Variants in ITGA2B observed in about 807,000 individuals in gnomAD.
ITGA2B encodes integrin subunit alpha 2b, also known as integrin alpha-IIb.
ITGA2B carries 91 observed loss-of-function variants against 142.0 expected under a neutral mutation model. That is an observed-to-expected ratio of 0.64 (90% confidence interval 0.54 to 0.76). The LOEUF is 0.76. ITGA2B is among the 30% of genes least tolerant of loss of function. ITGA2B has a pLI of 0.00. For missense variants in ITGA2B, 1,231 were observed against 1,350.8 expected (o/e 0.91, Z 1.39); for synonymous variants, 536 against 567.2 (o/e 0.94, Z 0.78).
At chr17:44,378,615 G>T (rs373003641) in intron 19 of ITGA2B, 28 bp downstream of exon 19, 2 of 1,576,658 alleles carry the variant, frequency 1.3e-6, no homozygotes, top group East Asian at 2.3e-5. Context: ...AAAGGGCCAG[G>T]GTCGGGCAGA....
chr17:44,377,186 A>G, intron 21 of ITGA2B, 98 bp from the exon 22 acceptor site: 2 of 842,324 alleles, frequency 2.4e-6, no homozygotes, highest in South Asian at 1.5e-5. Context: ...CAAGATCACC[A>G]CTATTCTTTT....
At chr17:44,380,784 G>T in intron 13 of ITGA2B, 95 bp downstream of exon 13, 1 of 1,586,166 alleles carries the variant, frequency 6.3e-7, no homozygotes, top group Non-Finnish European at 8.7e-7. Flanking sequence ...GGGACACCAG[G>T]CCAGGCATGA....
In ITGA2B at chr17:44,375,685, G is replaced by A. The variant is rs1374319503; in HGVS notation, c.2633C>T (p.Ser878Phe). The A allele has an allele frequency of 3.7e-6, 6 of 1,602,084 alleles. No individual in the cohort carries two copies. The highest frequency in any genetic ancestry group is 5.1e-6 in the Non-Finnish European group (6 of 1,174,704). ...CTTGTGATGGGCCGGGTGAATGGGG[G>A]AGGGGCTGGGGATGGGCAGCCCCCA... ...VDWGLPIPSP[S>F]PIHPAHHKRD... The change falls in exon 26 of 30, where the codon TCC becomes TTC. Residue 878 changes from serine to phenylalanine, a missense_variant. Transcript: ENST00000262407.
At position 44,385,938 on chromosome 17, in the gene ITGA2B, G is replaced by A; in HGVS notation, c.311-17C>T. The A allele has an allele frequency of 3.1e-6, 5 of 1,613,996 alleles. No homozygotes were observed. In the Admixed American group the frequency reaches 8.3e-5, roughly 27 times the overall value. On this transcript the variant is annotated splice_polypyrimidine_tract_variant and intron_variant, in intron 2 of 29. Transcript: ENST00000262407. Reference sequence around the variant, plus strand: ...TCTCATCACCTGGAAGGCACAAGAAGGGGTGGGGCGCTGAAGCCCGGCAGT... The same window carrying A: ...TCTCATCACCTGGAAGGCACAAGAAAGGGTGGGGCGCTGAAGCCCGGCAGT...
At chr17:44,372,721 C>T (rs898706723) in intron 29 of ITGA2B, among the ~76,000 whole-genome samples, 7 of 151,960 alleles carry the variant, frequency 4.6e-5, no homozygotes, top group Admixed American at 2.0e-4. Context: ...CTCCACCTCC[C>T]GGGTTCAAAC....
chr17:44,379,066 C>A (rs1323242033), intron 18 of ITGA2B, among the ~76,000 whole-genome samples: 3 of 151,874 alleles, frequency 2.0e-5, no homozygotes, highest in Admixed American at 2.0e-4. Context: ...CCTGCCTCAG[C>A]CTCCCAAGTA....
intron 21 of ITGA2B, among the ~76,000 whole-genome samples, 195 bp from the exon 22 acceptor site, chr17:44,377,283 C>G (rs909149150): frequency 2.0e-5 from 3 of 151,906 alleles, no homozygotes; most frequent in African/African-American, 7.3e-5. Context: ...GCAACCTCCA[C>G]CTCCCAGGTT....
In ITGA2B at chr17:44,380,371, C is replaced by A. The variant is rs774439400; in HGVS notation, c.1544+15G>T. On this transcript the variant is annotated intron_variant, in intron 15 of 29. Transcript: ENST00000262407. ...GTCCCAGATCCTTTAAGGCCCATGC[C>A]CTCTGCCTCCTCACCAGCTCACGGG... 6.2e-7 allele frequency: 1 copy of A among 1,614,132 alleles called. No individual in the cohort carries two copies. Among genetic ancestry groups the A allele is most frequent in the Non-Finnish European group, 8.5e-7 (1 of 1,180,012 alleles).
intron 19 of ITGA2B, 59 bp downstream of exon 19, chr17:44,378,584 T>C: frequency 6.3e-7 from 1 of 1,596,990 alleles, no homozygotes; most frequent in Non-Finnish European, 8.5e-7. Flanking sequence ...GACTAAGGTG[T>C]GGAGCAGGTA....
At chr17:44,384,399 C>T (rs2048625150) in intron 8 of ITGA2B, 45 bp from the exon 9 acceptor site, 1 of 1,612,022 alleles carries the variant, frequency 6.2e-7, no homozygotes, top group Admixed American at 1.7e-5. Context: ...AGCCTTAGAA[C>T]CTACCCACTT....
intron 6 of ITGA2B, 30 bp from the exon 7 acceptor site, chr17:44,385,106 C>T (rs1268277896): frequency 6.2e-7 from 1 of 1,613,914 alleles, no homozygotes; most frequent in African/African-American, 1.3e-5. Flanking sequence ...GGGTGTGAAG[C>T]CCAAAGCGGT....
chr17:44,389,180 C>G (rs573487881), intron 1 of ITGA2B, 106 bp downstream of exon 1: 1 of 1,270,158 alleles, frequency 7.9e-7, no homozygotes, highest in East Asian at 2.3e-5. Flanking sequence ...CCCCACAAGT[C>G]ACCTTGCTCA....
chr17:44,376,426 C>T (rs1349559357), intron 22 of ITGA2B, 38 bp from the exon 23 acceptor site: 1 of 1,603,438 alleles, frequency 6.2e-7, no homozygotes, highest in African/African-American at 1.3e-5. Context: ...GGGCCAGGGA[C>T]ACCAGCCCAG....
Position 44,375,888 on chromosome 17 carries a change from A to C in ITGA2B, c.2546T>G (p.Ile849Arg), listed in dbSNP as rs772502781. The change falls in exon 25 of 30, where the codon ATA (isoleucine) becomes AGA (arginine). Residue 849 changes from isoleucine (I) to arginine (R), a missense_variant. Ile to Arg is a moderately conservative substitution (Grantham distance 97). Transcript: ENST00000262407. ...QPSDLLYILD[I>R]QPQGGLQCFP... ...GCACTGAAGGCCCCCCTGGGGCTGT[A>C]TATCCAGGATGTAGAGCAGGTCGGA... The C allele has an allele frequency of 6.2e-7, 1 of 1,609,394 alleles. No individual in the cohort carries two copies. Among genetic ancestry groups the C allele is most frequent in the Non-Finnish European group, 8.5e-7 (1 of 1,178,184 alleles).
Position 44,379,992 on chromosome 17 carries a change from C to G in ITGA2B, c.1752+10G>C. The G allele has an allele frequency of 2.5e-6, 4 of 1,613,218 alleles. No homozygotes were observed. The highest frequency in any genetic ancestry group is 3.4e-6 in the Non-Finnish European group (4 of 1,180,038). On this transcript the variant is annotated intron_variant, in intron 17 of 29. Transcript: ENST00000262407. ...TCTCCCAGCCCTGCCAATCCCCTGC[C>G]TGGGCGTACTCGAAGGAAGGCCATG...
At chr17:44,375,205 C>CG in intron 26 of ITGA2B, 94 bp from the exon 27 acceptor site, 1 of 1,072,594 alleles carries the variant, frequency 9.3e-7, no homozygotes, top group East Asian at 2.6e-5. Context: ...CAGAAGGGGC[C>CG]GGGGGTTCAG....
chr17:44,377,198 C>CTTT (rs373144079), intron 21 of ITGA2B, 110 bp from the exon 22 acceptor site: 57 of 702,446 alleles, frequency 8.1e-5, no homozygotes, highest in Non-Finnish European at 1.3e-4. Flanking sequence ...TATTCTTTTT[C>CTTT]TTTTTTTTTT....
rs759142187 is a variant in ITGA2B, at chr17:44,379,833, T to G, written c.1753-19A>C. 1 of 1,613,128 alleles carries G rather than the reference T, an allele frequency of 6.2e-7. No homozygotes were observed. The highest frequency in any genetic ancestry group is 2.2e-5 in the East Asian group (1 of 44,810). On this transcript the variant is annotated intron_variant, in intron 17 of 29. Coordinates refer to ENST00000262407, the MANE Select transcript of ITGA2B (RefSeq NM_000419.5). Reference sequence around the variant, plus strand: ...CCTCATCCTAGGACAGGGGCAAGAGTCAGGCCATCTTGCTACCATACACAT... The same window carrying G: ...CCTCATCCTAGGACAGGGGCAAGAGGCAGGCCATCTTGCTACCATACACAT...
At chr17:44,378,286 C>T in intron 20 of ITGA2B, 76 bp downstream of exon 20, 1 of 1,531,372 alleles carries the variant, frequency 6.5e-7, no homozygotes, top group Non-Finnish European at 8.8e-7. Context: ...GAGGGACTCT[C>T]AGGGAGGGAG....
Sources: gnomAD v4.1 joint callset for allele counts (sites outside exome capture counted in the v4.1 genomes callset) on GRCh38, gnomAD v4.1.1 for gene constraint, MANE v1.5 for transcripts, NCBI Gene and HGNC (gene_info 2026-07-23, HGNC 2026-07-21) for gene names.